ADAMTSL1: variants seen among roughly 807,000 people sequenced by gnomAD.
ADAMTSL1 encodes the protein ADAMTS like 1, also known as ADAMTS-like protein 1.
In ADAMTSL1, 126 loss-of-function variants were observed where a neutral mutation model predicts 201.8. The ratio of observed to expected loss-of-function variants is 0.62; its 90% CI spans 0.54 to 0.72. ADAMTSL1 has a LOEUF of 0.72. Among genes scored for constraint, ADAMTSL1 ranks in the 30% least tolerant of loss-of-function variants. The pLI, the probability that ADAMTSL1 is intolerant of heterozygous loss-of-function variation, is 0.00. For missense variants in ADAMTSL1, 2,679 were observed against 2,277.8 expected (o/e 1.18, Z -3.59); for synonymous variants, 1,121 against 903.4 (o/e 1.24, Z -4.32).
intron 2 of ADAMTSL1, among the ~76,000 whole-genome samples, chr9:18,271,858 G>T (rs956199694): frequency 6.6e-6 from 1 of 152,008 alleles, no homozygotes; most frequent in Non-Finnish European, 1.5e-5. Flanking sequence ...ACTCTTTAAT[G>T]ATCGCCATTC....
chr9:18,197,279 A>T (rs575151333), intron 2 of ADAMTSL1, among the ~76,000 whole-genome samples: 8 of 152,190 alleles, frequency 5.3e-5, no homozygotes, highest in African/African-American at 1.9e-4. Flanking sequence ...CAGTATGGCC[A>T]TTTTCACAAG....
At chr9:18,234,674 C>T (rs1830770338) in intron 2 of ADAMTSL1, among the ~76,000 whole-genome samples, 1 of 151,970 alleles carries the variant, frequency 6.6e-6, no homozygotes, top group Non-Finnish European at 1.5e-5. Context: ...CTAGAATTGG[C>T]AATATGGAAA....
chr9:18,362,226 A>T (rs1220638744), intron 2 of ADAMTSL1: 1 of 152,238 alleles, frequency 6.6e-6, no homozygotes, highest in Non-Finnish European at 1.5e-5. Flanking sequence ...TAACACTGGA[A>T]TATAGAGCAG....
intron 2 of ADAMTSL1, among the ~76,000 whole-genome samples, chr9:18,365,081 G>C (rs1271977237): frequency 6.6e-6 from 1 of 152,056 alleles, no homozygotes; most frequent in East Asian, 1.9e-4. Context: ...ATAGGGTCTG[G>C]CATATGCTCC....
chr9:18,841,348 T>A (rs940398390), intron 23 of ADAMTSL1, among the ~76,000 whole-genome samples: 15 of 152,280 alleles, frequency 9.9e-5, no homozygotes, highest in African/African-American at 3.4e-4. Flanking sequence ...TTTATTGATT[T>A]GCATATATTG....
intron 1 of ADAMTSL1, among the ~76,000 whole-genome samples, chr9:17,933,907 C>T (rs1437232943): frequency 6.6e-6 from 1 of 152,134 alleles, no homozygotes; most frequent in African/African-American, 2.4e-5. Context: ...CATCAACACT[C>T]AACCTCAAAG....
intron 23 of ADAMTSL1, among the ~76,000 whole-genome samples, chr9:18,856,892 G>T (rs1287805952): frequency 6.6e-6 from 1 of 152,178 alleles, no homozygotes; most frequent in African/African-American, 2.4e-5. Context: ...AAGCTGGTTG[G>T]AGAAAGGGGG....
intron 1 of ADAMTSL1, among the ~76,000 whole-genome samples, chr9:17,923,150 T>G (rs572355021): frequency 4.7e-4 from 71 of 152,074 alleles, no homozygotes; most frequent in African/African-American, 1.7e-3. Context: ...ATATGAACTT[T>G]AAAGTAGTTT....
chr9:18,027,713 G>T (rs1820762586), intron 1 of ADAMTSL1, among the ~76,000 whole-genome samples: 1 of 152,016 alleles, frequency 6.6e-6, no homozygotes, highest in Admixed American at 6.6e-5. Flanking sequence ...GGAATATTAT[G>T]TACATGTCTA....
At chr9:18,733,226 T>C (rs1818314435) in intron 15 of ADAMTSL1, among the ~76,000 whole-genome samples, 1 of 152,162 alleles carries the variant, frequency 6.6e-6, no homozygotes, top group Non-Finnish European at 1.5e-5. Context: ...CTAGTAAACT[T>C]CACAAGTTAA....
At chr9:18,405,887 T>A (rs967737888) in intron 2 of ADAMTSL1, among the ~76,000 whole-genome samples, 25 of 152,162 alleles carry the variant, frequency 1.6e-4, no homozygotes, top group Admixed American at 3.3e-4. Context: ...TTTCTTTTTT[T>A]AAAAAAACAA....
intron 2 of ADAMTSL1, among the ~76,000 whole-genome samples, chr9:18,514,909 T>G (rs954168877): frequency 6.6e-6 from 1 of 152,222 alleles, no homozygotes. Context: ...AGCTGAGGAC[T>G]TTTCACATAT....
At chr9:17,977,392 T>G (rs1416830127) in intron 1 of ADAMTSL1, among the ~76,000 whole-genome samples, 5 of 152,134 alleles carry the variant, frequency 3.3e-5, no homozygotes, top group African/African-American at 1.2e-4. Context: ...AGGATTGCTA[T>G]TAGTTATTCT....
At chr9:18,311,764 C>T (rs990691658) in intron 2 of ADAMTSL1, among the ~76,000 whole-genome samples, 1 of 152,138 alleles carries the variant, frequency 6.6e-6, no homozygotes, top group African/African-American at 2.4e-5. Context: ...TCTCACAGTT[C>T]AGTGGGGGAG....
At chr9:18,424,808 G>A (rs1282529628) in intron 2 of ADAMTSL1, among the ~76,000 whole-genome samples, 1 of 152,168 alleles carries the variant, frequency 6.6e-6, no homozygotes, top group Non-Finnish European at 1.5e-5. Context: ...GTGAGGAAGT[G>A]TTCTACAGCC....
At chr9:18,210,513 ATT>A (rs1458201224) in intron 2 of ADAMTSL1, among the ~76,000 whole-genome samples, 3 of 146,860 alleles carry the variant, frequency 2.0e-5, no homozygotes, top group African/African-American at 4.9e-5. Flanking sequence ...TATGATATAT[ATT>A]AATAAATATA....
intron 2 of ADAMTSL1, among the ~76,000 whole-genome samples, chr9:18,182,815 G>C (rs751732852): frequency 1.3e-5 from 2 of 152,208 alleles, no homozygotes; most frequent in African/African-American, 4.8e-5. Context: ...GCGGGTTACA[G>C]TTCGGGCAGC....
intron 1 of ADAMTSL1, among the ~76,000 whole-genome samples, chr9:18,062,863 T>C (rs1180632555): frequency 6.6e-6 from 1 of 152,210 alleles, no homozygotes; most frequent in African/African-American, 2.4e-5. Flanking sequence ...AACAGATACT[T>C]GCTAACATGA....
At chr9:18,404,953 C>T (rs1437052241) in intron 2 of ADAMTSL1, among the ~76,000 whole-genome samples, 1 of 152,106 alleles carries the variant, frequency 6.6e-6, no homozygotes, top group Non-Finnish European at 1.5e-5. Flanking sequence ...CTCCCTTTGC[C>T]CCTGGATTTA....
Sources: gnomAD v4.1 joint callset for allele counts (sites outside exome capture counted in the v4.1 genomes callset) on GRCh38, gnomAD v4.1.1 for gene constraint, MANE v1.5 for transcripts, NCBI Gene and HGNC (gene_info 2026-07-23, HGNC 2026-07-21) for gene names.